ENOX1: variants seen among roughly 807,000 people sequenced by gnomAD.
ENOX1 encodes ecto-NOX disulfide-thiol exchanger 1, also known as candidate growth-related and time keeping constitutive hydroquinone (NADH) oxidase.
Under a neutral mutation model 82.5 loss-of-function variants are expected in ENOX1, and 42 were observed. That is an observed-to-expected ratio of 0.51 (90% CI 0.40 to 0.66). The LOEUF (loss-of-function observed/expected upper bound fraction) is 0.66, where lower values mean the gene tolerates loss of function less well. Among genes scored for constraint, ENOX1 ranks in the 30% least tolerant of loss-of-function variants. The pLI is 0.00. For missense variants in ENOX1, 608 were observed against 811.6 expected, an observed-to-expected ratio of 0.75 and a Z score of 3.05; for synonymous variants, 271 against 282.2, an observed-to-expected ratio of 0.96 and a Z score of 0.40.
At chr13:43,541,555 T>C (rs929344248) in intron 2 of ENOX1, among the ~76,000 whole-genome samples, 1 of 152,134 alleles carries the variant, frequency 6.6e-6, no homozygotes. Flanking sequence ...CACCACATAC[T>C]ATATTATTCT....
intron 1 of ENOX1, among the ~76,000 whole-genome samples, chr13:43,734,242 G>A (rs2089498539): frequency 8.0e-6 from 1 of 125,420 alleles, no homozygotes. Context: ...TGTTGTTGTT[G>A]TTTTAATCCA....
chr13:43,507,026 T>C (rs576864299), intron 2 of ENOX1, among the ~76,000 whole-genome samples: 2 of 151,674 alleles, frequency 1.3e-5, no homozygotes, highest in South Asian at 2.1e-4. Context: ...ATTGACAGAA[T>C]AGAACTTTTA....
intron 1 of ENOX1, among the ~76,000 whole-genome samples, chr13:43,748,901 A>C (rs1431698752): frequency 6.6e-6 from 1 of 152,186 alleles, no homozygotes; most frequent in East Asian, 1.9e-4. Context: ...CTAATGACAG[A>C]CTGCCTGGGT....
At chr13:43,770,971 A>G (rs994466731) in intron 1 of ENOX1, among the ~76,000 whole-genome samples, 1 of 152,170 alleles carries the variant, frequency 6.6e-6, no homozygotes, top group African/African-American at 2.4e-5. Flanking sequence ...AAAAAAATCA[A>G]GAAAACTAGC....
chr13:43,714,866 T>C (rs1395995020), intron 1 of ENOX1, among the ~76,000 whole-genome samples: 1 of 152,210 alleles, frequency 6.6e-6, no homozygotes, highest in Non-Finnish European at 1.5e-5. Flanking sequence ...CTCTATCCAA[T>C]TTGCCAGTCT....
chr13:43,474,761 T>C (rs148353941), intron 3 of ENOX1, among the ~76,000 whole-genome samples: 3 of 152,260 alleles, frequency 2.0e-5, no homozygotes, highest in Non-Finnish European at 4.4e-5. Flanking sequence ...TGCTAAGCCA[T>C]TGGTGGTCTA....
intron 2 of ENOX1, among the ~76,000 whole-genome samples, chr13:43,635,117 C>T (rs1477613303): frequency 1.3e-5 from 2 of 152,076 alleles, no homozygotes; most frequent in Non-Finnish European, 2.9e-5. Context: ...AGCCTGAAAT[C>T]TGGGTAGAAA....
chr13:43,706,518 A>G (rs1374491385), intron 1 of ENOX1, among the ~76,000 whole-genome samples: 1 of 152,096 alleles, frequency 6.6e-6, no homozygotes, highest in African/African-American at 2.4e-5. Flanking sequence ...AAGCAAATCA[A>G]GCCCAGTAAT....
intron 9 of ENOX1, among the ~76,000 whole-genome samples, chr13:43,329,671 T>C (rs1215627905): frequency 6.6e-6 from 1 of 152,158 alleles, no homozygotes; most frequent in Admixed American, 6.5e-5. Flanking sequence ...CTAAGTGGGA[T>C]TTAATTTTAT....
chr13:43,297,807 T>C (rs1243384685), intron 12 of ENOX1, among the ~76,000 whole-genome samples: 1 of 150,852 alleles, frequency 6.6e-6, no homozygotes, highest in Non-Finnish European at 1.5e-5. Flanking sequence ...TTTCTAAAGT[T>C]ATTTATCCCC....
chr13:43,393,118 T>C (rs1279760292), intron 5 of ENOX1, among the ~76,000 whole-genome samples: 1 of 152,194 alleles, frequency 6.6e-6, no homozygotes, highest in Non-Finnish European at 1.5e-5. Context: ...TAAGAGAAAA[T>C]AATGTGAAGC....
chr13:43,239,052 C>T (rs147767255), intron 14 of ENOX1, among the ~76,000 whole-genome samples: 2 of 152,286 alleles, frequency 1.3e-5, no homozygotes, highest in East Asian at 3.9e-4. Flanking sequence ...GCTGCATCAA[C>T]AATGTCTACA....
At chr13:43,713,771 A>AT in intron 1 of ENOX1, among the ~76,000 whole-genome samples, 1 of 151,138 alleles carries the variant, frequency 6.6e-6, no homozygotes. Context: ...CCCCTTTATC[A>AT]TTTTTTATTG....
At chr13:43,664,032 T>C (rs1183269704) in intron 2 of ENOX1, among the ~76,000 whole-genome samples, 2 of 152,174 alleles carry the variant, frequency 1.3e-5, no homozygotes, top group Non-Finnish European at 2.9e-5. Flanking sequence ...TTAACTGATT[T>C]GTGTACAAAA....
At chr13:43,733,895 G>T (rs1203956976) in intron 1 of ENOX1, among the ~76,000 whole-genome samples, 2 of 152,072 alleles carry the variant, frequency 1.3e-5, no homozygotes, top group African/African-American at 2.4e-5. Context: ...GGAGTTCAAG[G>T]TTACAGTGAG....
intron 5 of ENOX1, among the ~76,000 whole-genome samples, chr13:43,384,529 A>T (rs1192327465): frequency 6.6e-6 from 1 of 152,200 alleles, no homozygotes; most frequent in African/African-American, 2.4e-5. Flanking sequence ...CAAAACTGGG[A>T]CTCAGAGAAA....
chr13:43,492,596 G>T (rs2076658998), intron 2 of ENOX1, among the ~76,000 whole-genome samples: 1 of 152,116 alleles, frequency 6.6e-6, no homozygotes, highest in African/African-American at 2.4e-5. Flanking sequence ...GACTTTCCAA[G>T]AAAGTACCAA....
chr13:43,423,740 C>T lies in ENOX1; in HGVS notation c.-74-10752G>A, dbSNP rs117315432. Among the ~76,000 whole-genome samples the T allele has an allele frequency of 1.7e-3, 257 of 152,316 alleles. 1 individual carries two copies. The highest frequency in any genetic ancestry group is 3.3e-3 in the Non-Finnish European group (222 of 68,020). ...CTCTTCTATCCCTGGAATAGGGATA[C>T]TGAGGCTTAACTACCATCTTACCTA... On this transcript the variant is annotated intron_variant, in intron 3 of 16. Transcript: ENST00000690772.
intron 2 of ENOX1, among the ~76,000 whole-genome samples, chr13:43,497,313 G>T (rs1260973874): frequency 6.6e-6 from 1 of 152,042 alleles, no homozygotes; most frequent in African/African-American, 2.4e-5. Flanking sequence ...ATGTTGAACT[G>T]GTGAGAGTGA....
Sources: gnomAD v4.1 joint callset for allele counts (sites outside exome capture counted in the v4.1 genomes callset) on GRCh38, gnomAD v4.1.1 for gene constraint, MANE v1.5 for transcripts, NCBI Gene and HGNC (gene_info 2026-07-23, HGNC 2026-07-21) for gene names.